The following SERPINB8 variants were observed in gnomAD, a reference collection of about 807,000 sequenced individuals.
SERPINB8 encodes serpin B8.
Under a neutral mutation model 35.3 loss-of-function variants are expected in SERPINB8, and 25 were observed. That is an observed-to-expected ratio of 0.71 (90% CI 0.52 to 0.99). The LOEUF (loss-of-function observed/expected upper bound fraction) is 0.99. Among genes scored for constraint, SERPINB8 ranks in the 50% least tolerant of loss-of-function variants. SERPINB8 has a pLI of 0.00. For missense variants in SERPINB8, 484 were observed against 446.5 expected, an observed-to-expected ratio of 1.08 and a Z score of -0.76; for synonymous variants, 186 against 160.8, an observed-to-expected ratio of 1.16 and a Z score of -1.19.
chr18:63,986,540 A>G (rs1189886279), intron 6 of SERPINB8: 2 of 1,329,868 alleles, frequency 1.5e-6, no homozygotes, highest in Non-Finnish European at 1.9e-6. Flanking sequence ...TATGTATTGC[A>G]TGAAGATTAA....
At chr18:63,975,425 T>C (rs1390940770) in intron 1 of SERPINB8, among the ~76,000 whole-genome samples, 1 of 152,178 alleles carries the variant, frequency 6.6e-6, no homozygotes, top group Non-Finnish European at 1.5e-5. Flanking sequence ...CAGACCCTAG[T>C]ATAAGCTCTG....
chr18:64,002,737 C>A (rs2144842863), intron 1 of SERPINB8, among the ~76,000 whole-genome samples: 1 of 152,094 alleles, frequency 6.6e-6, no homozygotes, highest in African/African-American at 2.4e-5. Context: ...CGGCCGACCC[C>A]GCCCCGGGTC....
At chr18:64,012,051 A>G (rs367807133) in intron 7 of SERPINB8, among the ~76,000 whole-genome samples, 11 of 152,308 alleles carry the variant, frequency 7.2e-5, no homozygotes, top group South Asian at 4.1e-4. Flanking sequence ...AAATGAGCAT[A>G]TATGACCTTA....
chr18:64,002,566 T>A (rs1200646985), intron 1 of SERPINB8, among the ~76,000 whole-genome samples: 3 of 152,146 alleles, frequency 2.0e-5, no homozygotes, highest in African/African-American at 7.2e-5. Flanking sequence ...CACTTTCCCT[T>A]TCAGAATCGT....
chr18:63,970,885 T>C (rs1428625351), intron 1 of SERPINB8, among the ~76,000 whole-genome samples: 1 of 151,664 alleles, frequency 6.6e-6, no homozygotes, highest in African/African-American at 2.4e-5. Context: ...GGGTTGGGGG[T>C]GCTTCTTCAC....
At chr18:63,973,676 T>A (rs2050530719) in intron 1 of SERPINB8, among the ~76,000 whole-genome samples, 1 of 152,228 alleles carries the variant, frequency 6.6e-6, no homozygotes, top group Admixed American at 6.5e-5. Flanking sequence ...GTATAAGGTG[T>A]AAGGAAGGGA....
At chr18:63,981,903 GGGACT>G in intron 4 of SERPINB8, 65 bp downstream of exon 4, 1 of 1,185,990 alleles carries the variant, frequency 8.4e-7, no homozygotes, top group Non-Finnish European at 1.2e-6. Context: ...TGACTGGGAT[GGGACT>G]TCCCAGGGTG....
At chr18:64,018,278 C>T (rs956163289) in intron 7 of SERPINB8, among the ~76,000 whole-genome samples, 10 of 152,126 alleles carry the variant, frequency 6.6e-5, no homozygotes, top group Non-Finnish European at 1.2e-4. Flanking sequence ...ACAAACAAAT[C>T]TTCTGTAATT....
intron 3 of SERPINB8, among the ~76,000 whole-genome samples, chr18:63,980,875 A>G (rs1287852942): frequency 6.6e-6 from 1 of 152,202 alleles, no homozygotes; most frequent in African/African-American, 2.4e-5. Context: ...GGCCTATTAT[A>G]TCCAAAGCCA....
At chr18:64,002,170 T>A (rs1277153208) in intron 1 of SERPINB8, among the ~76,000 whole-genome samples, 1 of 152,110 alleles carries the variant, frequency 6.6e-6, no homozygotes, top group Admixed American at 6.5e-5. Flanking sequence ...TCTGCACGTG[T>A]TTCTGTCATG....
chr18:64,009,903 C>T (rs1243649238), downstream of SERPINB8, among the ~76,000 whole-genome samples: 1 of 151,636 alleles, frequency 6.6e-6, no homozygotes, highest in African/African-American at 2.4e-5. Flanking sequence ...ATATTTGTGA[C>T]AAAACAATAA....
chr18:64,003,553 G>A, intron 1 of SERPINB8, among the ~76,000 whole-genome samples: 1 of 145,156 alleles, frequency 6.9e-6, no homozygotes, highest in African/African-American at 2.5e-5. Flanking sequence ...GTGTGTGTGT[G>A]TGTGTATTTG....
intron 1 of SERPINB8, among the ~76,000 whole-genome samples, chr18:63,998,602 G>A (rs1277067152): frequency 6.6e-6 from 1 of 152,096 alleles, no homozygotes; most frequent in Non-Finnish European, 1.5e-5. Flanking sequence ...TGATTGATTG[G>A]GCTATCTGTC....
At chr18:63,998,541 T>C (rs180735795) in intron 1 of SERPINB8, among the ~76,000 whole-genome samples, 3 of 152,286 alleles carry the variant, frequency 2.0e-5, no homozygotes, top group Admixed American at 1.3e-4. Flanking sequence ...GGTGTGCAAT[T>C]TGGGGTCTCA....
chr18:64,000,583 G>A (rs1462046929), intron 1 of SERPINB8, among the ~76,000 whole-genome samples: 1 of 152,200 alleles, frequency 6.6e-6, no homozygotes, highest in East Asian at 1.9e-4. Context: ...GGCCAGCCAT[G>A]CCCTGTGCCT....
rs966443468 is a variant in SERPINB8, at chr18:63,986,532, T to C, written c.721-342T>C. On this transcript the variant is annotated intron_variant, in intron 6 of 6. Coordinates refer to ENST00000397985, the MANE Select transcript of SERPINB8 (RefSeq NM_002640.4). ...ACAATCTCTCCCACTCACAGTAGTA[T>C]GTATTGCATGAAGATTAATGTAATG... 13 of 1,340,206 alleles carry C rather than the reference T, an allele frequency of 9.7e-6. No homozygotes were observed. The African/African-American group carries it at 1.8e-4, about 19-fold the overall frequency. 83.0% of individuals were successfully genotyped at this position (1,340,206 alleles called of 1,614,324 possible).
intron 1 of SERPINB8, among the ~76,000 whole-genome samples, chr18:64,004,152 T>A (rs2050889296): frequency 3.9e-5 from 1 of 25,938 alleles, no homozygotes; most frequent in African/African-American, 1.0e-4. Flanking sequence ...GCCTATATCT[T>A]TTTTGGAGAC....
At chr18:63,986,058 A>G (rs1035408343) in intron 6 of SERPINB8, among the ~76,000 whole-genome samples, 2 of 152,222 alleles carry the variant, frequency 1.3e-5, no homozygotes, top group Admixed American at 6.5e-5. Flanking sequence ...CTTTGGAATC[A>G]GAAAGCTACT....
downstream of SERPINB8, among the ~76,000 whole-genome samples, chr18:64,007,803 C>A (rs1044500336): frequency 6.6e-6 from 1 of 152,120 alleles, no homozygotes; most frequent in South Asian, 2.1e-4. Flanking sequence ...GTGATCCAAT[C>A]ACCTCCCACC....
Sources: allele counts gnomAD v4.1 joint callset (sites outside exome capture counted in the v4.1 genomes callset), GRCh38; gene constraint gnomAD v4.1.1; transcripts MANE v1.5; gene names NCBI Gene and HGNC (gene_info 2026-07-23, HGNC 2026-07-21).